Variants in LIPK observed in about 807,000 individuals in gnomAD.
LIPK encodes the protein lipase family member K, also known as lipase member K.
LIPK carries 32 observed loss-of-function variants against 48.6 expected under a neutral mutation model. The ratio of observed to expected loss-of-function variants is 0.66; its 90% CI spans 0.50 to 0.88. The LOEUF (loss-of-function observed/expected upper bound fraction) is 0.88. Among genes scored for constraint, LIPK ranks in the 40% least tolerant of loss-of-function variants. The pLI, the probability that LIPK is intolerant of heterozygous loss-of-function variation, is 0.00. For missense variants in LIPK, 507 were observed against 478.5 expected (o/e 1.06, Z -0.56); for synonymous variants, 164 against 157.4 (o/e 1.04, Z -0.32).
chr10:88,752,611 A>G lies in LIPK; in HGVS notation c.1055A>G (p.Glu352Gly), dbSNP rs781112126. The change falls in exon 10 of 10, where the codon GAA (glutamate) becomes GGA (glycine). Residue 352 changes from glutamate to glycine, a missense_variant. By Grantham distance (98) the Glu-to-Gly change is moderately conservative. Coordinates refer to ENST00000404190, the MANE Select transcript of LIPK (RefSeq NM_001080518.2). ...ATTGTGGCTGATCCCAAGGATGTTG[A>G]AAATTTACTTCCTCAAATTGCTAAC... Reference protein sequence around the residue: ...QDIVADPKDVENLLPQIANLI... With the variant: ...QDIVADPKDVGNLLPQIANLI... 1.9e-6 allele frequency: 3 copies of G among 1,572,624 alleles called. No individual in the cohort carries two copies. The highest frequency in any genetic ancestry group is 2.6e-6 in the Non-Finnish European group (3 of 1,156,654).
At chr10:88,733,018 C>T (rs985793294) in intron 6 of LIPK, among the ~76,000 whole-genome samples, 1 of 152,196 alleles carries the variant, frequency 6.6e-6, no homozygotes, top group East Asian at 1.9e-4. Context: ...ATAGTTCTTA[C>T]TCATAGGGCT....
At position 88,736,340 on chromosome 10, in the gene LIPK, T is replaced by A. The variant is rs545813136; in HGVS notation, c.670-1295T>A. Among the ~76,000 whole-genome samples, 16 of 152,358 alleles carry A rather than the reference T, an allele frequency of 1.1e-4. No individual in the cohort carries two copies. In the South Asian group the frequency reaches 3.3e-3, roughly 32 times the overall value. On this transcript the variant is annotated intron_variant, in intron 6 of 9. Coordinates refer to ENST00000404190, the MANE Select transcript of LIPK (RefSeq NM_001080518.2). ...ATATTATCTGATTGATTCCAGACTC[T>A]TCATTTTATCTCAATCACTAGGACA...
At chr10:88,733,605 G>A (rs1487802450) in intron 6 of LIPK, among the ~76,000 whole-genome samples, 1 of 152,134 alleles carries the variant, frequency 6.6e-6, no homozygotes, top group Non-Finnish European at 1.5e-5. Context: ...TTATACCATT[G>A]AGATTTCACT....
chr10:88,737,717 T>A lies in LIPK; in HGVS notation c.752T>A (p.Phe251Tyr). The A allele has an allele frequency of 6.2e-7, 1 of 1,613,918 alleles. No individual in the cohort carries two copies. The highest frequency in any genetic ancestry group is 8.5e-7 in the Non-Finnish European group (1 of 1,179,800). The change falls in exon 7 of 10, where the codon TTC becomes TAC. Residue 251 changes from phenylalanine (F) to tyrosine (Y), a missense_variant. Coordinates refer to ENST00000404190, the MANE Select transcript of LIPK (RefSeq NM_001080518.2). ...ACCAAAGTGTGCAATCGAAAGCTAT[T>A]CCGTCGTATTTGCAGCAACTTCCTA... ...IATKVCNRKL[F>Y]RRICSNFLFT...
intron 1 of LIPK, among the ~76,000 whole-genome samples, chr10:88,707,668 G>T (rs1327725335): frequency 6.6e-6 from 1 of 152,072 alleles, no homozygotes; most frequent in African/African-American, 2.4e-5. Flanking sequence ...TTCCATCAAA[G>T]TTGCCTAGTC....
At chr10:88,748,572 G>A (rs573777605) in intron 9 of LIPK, among the ~76,000 whole-genome samples, 3 of 150,498 alleles carry the variant, frequency 2.0e-5, no homozygotes, top group Admixed American at 6.6e-5. Context: ...GGCTGAGATT[G>A]TGCCATGGCA....
chr10:88,733,599 A>G (rs1842511526), intron 6 of LIPK, among the ~76,000 whole-genome samples: 2 of 152,292 alleles, frequency 1.3e-5, no homozygotes, highest in South Asian at 4.1e-4. Flanking sequence ...GGCCTCTTAT[A>G]CCATTGAGAT....
intron 1 of LIPK, among the ~76,000 whole-genome samples, chr10:88,722,282 C>T (rs1327719810): frequency 6.6e-6 from 1 of 152,088 alleles, no homozygotes; most frequent in Non-Finnish European, 1.5e-5. Flanking sequence ...GCAACAAGAG[C>T]AAAACTCCGT....
intron 1 of LIPK, among the ~76,000 whole-genome samples, chr10:88,717,061 A>G (rs388265): frequency 0.78 from 119,272 of 152,096 alleles, 47,745 homozygotes; most frequent in East Asian, 1. Context: ...AACACCAGAG[A>G]TGAAGAAGCG....
In LIPK at chr10:88,732,302, G is replaced by A; in HGVS notation, c.532+15G>A. The A allele has an allele frequency of 6.2e-7, 1 of 1,605,912 alleles. No individual in the cohort carries two copies. Among genetic ancestry groups the A allele is most frequent in the East Asian group, 2.2e-5 (1 of 44,830 alleles). On this transcript the variant is annotated intron_variant, in intron 5 of 9. Transcript: ENST00000404190. ...CACCACCATAGGTGTGTTTGGGGCAGATGTGATCAGAGAATGTCAGGGGCT... is the reference window on the plus strand; with the variant it reads ...CACCACCATAGGTGTGTTTGGGGCAAATGTGATCAGAGAATGTCAGGGGCT...
At chr10:88,748,287 G>A (rs1842804343) in intron 9 of LIPK, among the ~76,000 whole-genome samples, 1 of 152,082 alleles carries the variant, frequency 6.6e-6, no homozygotes, top group South Asian at 2.1e-4. Flanking sequence ...GGCGAGGGAA[G>A]GGAACTTAGA....
In LIPK at chr10:88,742,766, A is replaced by AG. The variant is rs201125448; in HGVS notation, c.889-484_889-483insG. ...TGGGTGAATATTTCTTTTAATAGTA[A>AG]AAAAAAAAAGTTTAAGGATAGGGAA... is the stretch of plus-strand genomic sequence containing the variant. On this transcript the variant is annotated intron_variant, in intron 8 of 9. Coordinates refer to ENST00000404190, the MANE Select transcript of LIPK (RefSeq NM_001080518.2). 5.7e-3 allele frequency among the ~76,000 whole-genome samples: 856 copies of AG among 151,072 alleles called. 12 individuals carry two copies. The highest frequency in any genetic ancestry group is 0.02 in the African/African-American group (822 of 41,224).
In LIPK at chr10:88,726,847, C is replaced by A. The variant is rs1253102135; in HGVS notation, c.158C>A (p.Thr53Lys). ...GYPYEEYDVTTKDGYILGIYR... is the reference protein window; with the variant it reads ...GYPYEEYDVTKKDGYILGIYR... The stretch of plus-strand genomic sequence containing the variant: ...CCTTATGAAGAGTATGATGTTACAA[C>A]AAAAGATGGTTATATCCTTGGAATT... Residue 53 changes from threonine to lysine, a missense_variant, in exon 3 of 10, where the codon ACA (threonine) becomes AAA (lysine). Thr to Lys is a moderately conservative substitution (Grantham distance 78). Transcript: ENST00000404190. The A allele has an allele frequency of 2.5e-6, 4 of 1,608,616 alleles. No homozygotes were observed. Among genetic ancestry groups the A allele is most frequent in the East Asian group, 2.2e-5 (1 of 44,846 alleles).
chr10:88,734,292 T>C (rs1286517545), intron 6 of LIPK, among the ~76,000 whole-genome samples: 2 of 152,188 alleles, frequency 1.3e-5, no homozygotes, highest in African/African-American at 4.8e-5. Flanking sequence ...TATGATTTCA[T>C]TATAGAGTGT....
Position 88,752,198 on chromosome 10 carries a change from C to T in LIPK, c.961-319C>T, listed in dbSNP as rs554387378. Among the ~76,000 whole-genome samples the T allele has an allele frequency of 2.6e-5, 4 of 152,198 alleles. No individual in the cohort carries two copies. In the East Asian group the frequency reaches 7.7e-4, roughly 29 times the overall value. On this transcript the variant is annotated intron_variant, in intron 9 of 9. Coordinates refer to ENST00000404190, the MANE Select transcript of LIPK (RefSeq NM_001080518.2). Reference sequence around the variant, plus strand: ...TATCCGACATTTTGTTTGAAAAGGTCACATTCTGAGATCAAATGCTAACTA... The same window carrying T: ...TATCCGACATTTTGTTTGAAAAGGTTACATTCTGAGATCAAATGCTAACTA...
At chr10:88,724,693 C>T (rs1439137610) in intron 2 of LIPK, 45 bp downstream of exon 2, 1 of 1,340,988 alleles carries the variant, frequency 7.5e-7, no homozygotes, top group South Asian at 1.4e-5. Context: ...AGGAATTATT[C>T]ATATTTCAGC....
intron 1 of LIPK, among the ~76,000 whole-genome samples, 174 bp downstream of exon 1, chr10:88,706,494 C>T (rs899973483): frequency 4.6e-5 from 7 of 152,126 alleles, no homozygotes; most frequent in African/African-American, 1.4e-4. Context: ...GGAGAGTCTT[C>T]TAGGTATGTT....
intron 3 of LIPK, among the ~76,000 whole-genome samples, chr10:88,729,252 T>TGGGGGGGG (rs71022537): frequency 1.2e-4 from 5 of 40,160 alleles, no homozygotes; most frequent in Admixed American, 9.2e-4. Context: ...GGCTATCTGT[T>TGGGGGGGG]GGGGGGGGGG....
At chr10:88,738,785 T>G (rs1043762787) in intron 7 of LIPK, among the ~76,000 whole-genome samples, 3 of 152,202 alleles carry the variant, frequency 2.0e-5, no homozygotes, top group Non-Finnish European at 2.9e-5. Context: ...ATGGACACCT[T>G]TTGTCAGATC....
Sources: allele counts gnomAD v4.1 joint callset (sites outside exome capture counted in the v4.1 genomes callset), GRCh38; gene constraint gnomAD v4.1.1; transcripts MANE v1.5; gene names NCBI Gene and HGNC (gene_info 2026-07-23, HGNC 2026-07-21).